KALRN: variants seen among roughly 807,000 people sequenced by gnomAD.
KALRN encodes the protein kalirin RhoGEF kinase, also known as kalirin.
In KALRN, 70 loss-of-function variants were observed where a neutral mutation model predicts 353.7. That is an observed-to-expected ratio of 0.20 (90% CI 0.16 to 0.24). The LOEUF (loss-of-function observed/expected upper bound fraction) is 0.24. Ranked by LOEUF, KALRN falls within the 10% of genes least tolerant of loss-of-function variation. The pLI is 1.00. For missense variants in KALRN, 2,791 were observed against 3,756.7 expected (o/e 0.74, Z 6.72); for synonymous variants, 1,391 against 1,434.8 (o/e 0.97, Z 0.69).
chr3:124,156,518 C>T (rs2069021753), intron 1 of KALRN, among the ~76,000 whole-genome samples: 1 of 152,172 alleles, frequency 6.6e-6, no homozygotes, highest in African/African-American at 2.4e-5. Flanking sequence ...TGAATCTCAT[C>T]TGTCTGCTGT....
chr3:124,390,224 C>G (rs2089144558), intron 11 of KALRN, among the ~76,000 whole-genome samples: 1 of 152,184 alleles, frequency 6.6e-6, no homozygotes, highest in African/African-American at 2.4e-5. Flanking sequence ...TGCTGTGTTT[C>G]CATGGAAATG....
chr3:124,393,506 G>A (rs2089764829), intron 11 of KALRN, among the ~76,000 whole-genome samples: 1 of 152,164 alleles, frequency 6.6e-6, no homozygotes, highest in African/African-American at 2.4e-5. Flanking sequence ...AACTTGTTTG[G>A]TGTTTTATTT....
At position 124,619,679 on chromosome 3, in the gene KALRN, G is replaced by A. The variant is rs333315; in HGVS notation, c.5183-12741G>A. ...TTTTTGTATTCTTTGTAGAGACAGG[G>A]TCTCACCATGTTGTCCAGGCTGGTC... On this transcript the variant is annotated intron_variant, in intron 34 of 59. Coordinates refer to ENST00000682506, the MANE Select transcript of KALRN (RefSeq NM_001388419.1). Among the ~76,000 whole-genome samples the A allele has an allele frequency of 6.3e-3, 955 of 151,948 alleles. 11 individuals carry two copies. Among genetic ancestry groups the A allele is most frequent in the African/African-American group, 0.022 (897 of 41,456 alleles).
chr3:124,208,855 A>G (rs1333411626), intron 1 of KALRN, among the ~76,000 whole-genome samples: 2 of 151,812 alleles, frequency 1.3e-5, no homozygotes, highest in Non-Finnish European at 2.9e-5. Context: ...AGTACCAGCT[A>G]CTCGGGAGGT....
At chr3:124,208,323 T>A (rs2076599973) in intron 1 of KALRN, among the ~76,000 whole-genome samples, 1 of 152,208 alleles carries the variant, frequency 6.6e-6, no homozygotes, top group Non-Finnish European at 1.5e-5. Context: ...TCAAATGCTG[T>A]AAGTCTGGAG....
chr3:124,442,036 G>A lies in KALRN; in HGVS notation c.3290G>A (p.Arg1097Gln), dbSNP rs757401330. The A allele has an allele frequency of 5.7e-5, 92 of 1,601,752 alleles. No homozygotes were observed. Among genetic ancestry groups the A allele is most frequent in the Admixed American group, 1.7e-5 (1 of 59,582 alleles). The stretch of plus-strand genomic sequence containing the variant: ...ATGCCCAGTGTCGCCAGCCACACTC[G>A]GGGACCCGAGCAACAAGTGAAAGGT... ...VSMPSVASHT[R>Q]GPEQQVKAIL... Residue 1097 changes from arginine to glutamine, a missense_variant, in exon 19 of 60, where the codon CGG becomes CAG. Transcript: ENST00000682506.
Position 124,438,961 on chromosome 3 carries a change from T to C in KALRN, c.3122T>C (p.Leu1041Pro). The stretch of plus-strand genomic sequence containing the variant: ...GACTGGTGTGGTGGACGAGATAAGC[T>C]GGGGCCAGCAGCAGAGATCGACCAT... The part of the protein sequence containing the change: ...DEDWCGGRDK[L>P]GPAAEIDHVI... The change falls in exon 18 of 60, where the codon CTG becomes CCG. Residue 1041 changes from leucine to proline, a missense_variant. By Grantham distance (98) the Leu-to-Pro change is moderately conservative. Around this residue, in one of 11 missense-constraint regions of KALRN, gnomAD observed 452 missense variants for 575.8 expected, o/e 0.78. Coordinates refer to ENST00000682506, the MANE Select transcript of KALRN (RefSeq NM_001388419.1). The C allele has an allele frequency of 6.2e-7, 1 of 1,614,100 alleles. No homozygotes were observed. The highest frequency in any genetic ancestry group is 8.5e-7 in the Non-Finnish European group (1 of 1,180,018).
chr3:124,085,435 C>T (rs1260447639), intron 1 of KALRN, among the ~76,000 whole-genome samples: 1 of 152,180 alleles, frequency 6.6e-6, no homozygotes. Context: ...TTATGGAGAA[C>T]CCATCCTGAC....
intron 1 of KALRN, among the ~76,000 whole-genome samples, chr3:124,116,351 T>C (rs1355697695): frequency 2.0e-5 from 3 of 152,224 alleles, no homozygotes; most frequent in Non-Finnish European, 4.4e-5. Flanking sequence ...ATTTTTTTTA[T>C]ATTGATTAAG....
intron 51 of KALRN, among the ~76,000 whole-genome samples, chr3:124,682,601 G>A (rs763059157): frequency 2.6e-5 from 4 of 152,188 alleles, no homozygotes; most frequent in Non-Finnish European, 5.9e-5. Flanking sequence ...TTCTCAATAA[G>A]TGGACCAAAT....
At chr3:124,394,798 A>C (rs905278447) in intron 11 of KALRN, among the ~76,000 whole-genome samples, 8 of 152,202 alleles carry the variant, frequency 5.3e-5, no homozygotes, top group African/African-American at 1.4e-4. Context: ...ATGAAATAAT[A>C]TTCGTTCATT....
intron 11 of KALRN, among the ~76,000 whole-genome samples, chr3:124,390,589 G>C (rs2007392): frequency 0.19 from 28,321 of 152,126 alleles, 3,495 homozygotes; most frequent in East Asian, 0.61. Context: ...TAAGAAACAA[G>C]CTGGTGGTTG....
At chr3:124,543,357 G>A (rs1380186315) in intron 33 of KALRN, among the ~76,000 whole-genome samples, 5 of 150,774 alleles carry the variant, frequency 3.3e-5, no homozygotes, top group South Asian at 2.1e-4. Flanking sequence ...GCTGGAGTGC[G>A]GTGGCGTGAT....
intron 1 of KALRN, among the ~76,000 whole-genome samples, chr3:124,175,508 T>C (rs551165712): frequency 2.6e-4 from 39 of 149,930 alleles, no homozygotes; most frequent in Middle Eastern, 3.5e-3. Flanking sequence ...TGGGGAAATG[T>C]GTACAGCCAA....
At chr3:124,501,170 C>T (rs1488494824) in intron 33 of KALRN, among the ~76,000 whole-genome samples, 1 of 152,148 alleles carries the variant, frequency 6.6e-6, no homozygotes, top group Admixed American at 6.5e-5. Flanking sequence ...TCCGGGTTGG[C>T]TGGAGAGAGG....
At chr3:124,670,279 T>C (rs2086239358) in intron 47 of KALRN, among the ~76,000 whole-genome samples, 1 of 152,248 alleles carries the variant, frequency 6.6e-6, no homozygotes, top group African/African-American at 2.4e-5. Context: ...CCACTGCACC[T>C]GGCCCTTCCC....
chr3:124,515,011 T>C (rs908631866), intron 33 of KALRN, among the ~76,000 whole-genome samples: 2 of 152,224 alleles, frequency 1.3e-5, no homozygotes, highest in Non-Finnish European at 2.9e-5. Context: ...CATGGTTTTC[T>C]AATCCATCAG....
chr3:124,666,777 C>A (rs149857405), intron 46 of KALRN, 143 bp downstream of exon 46: 86 of 750,366 alleles, frequency 1.1e-4, no homozygotes, highest in East Asian at 2.7e-5. Context: ...GGAGGCTGCA[C>A]GACAGTGATT....
At chr3:124,583,963 T>C (rs1473068168) in intron 34 of KALRN, among the ~76,000 whole-genome samples, 1 of 152,156 alleles carries the variant, frequency 6.6e-6, no homozygotes, top group Non-Finnish European at 1.5e-5. Flanking sequence ...AGTTCAAGAC[T>C]AGCTGGGGCA....
Sources: allele counts gnomAD v4.1 joint callset (sites outside exome capture counted in the v4.1 genomes callset), GRCh38; gene constraint gnomAD v4.1.1; regional missense constraint gnomAD v4.1.1; transcripts MANE v1.5; gene names NCBI Gene and HGNC (gene_info 2026-07-23, HGNC 2026-07-21).